HNF4A: variants seen among roughly 807,000 people sequenced by gnomAD.
HNF4A encodes the protein hepatocyte nuclear factor 4 alpha, also known as hepatocyte nuclear factor 4-alpha.
In HNF4A, 15 loss-of-function variants were observed where a neutral mutation model predicts 52.4. The observed-to-expected ratio is 0.29, with a 90% CI of 0.19 to 0.44. HNF4A has a LOEUF of 0.44. Ranked by LOEUF, HNF4A falls within the 20% of genes least tolerant of loss-of-function variation. The pLI, the probability that HNF4A is intolerant of heterozygous loss-of-function variation, is 1.00. For missense variants in HNF4A, 479 were observed against 647.2 expected (o/e 0.74, Z 2.82); for synonymous variants, 280 against 264.4 (o/e 1.06, Z -0.57).
chr20:44,424,427 T>C, intron 8 of HNF4A, 173 bp downstream of exon 8: 1 of 1,187,460 alleles, frequency 8.4e-7, no homozygotes. Flanking sequence ...AACAAGGCAA[T>C]GGTCTATTTG....
chr20:44,379,967 C>CCA (rs2146245291), intron 1 of HNF4A, among the ~76,000 whole-genome samples: 1 of 152,160 alleles, frequency 6.6e-6, no homozygotes, highest in South Asian at 2.1e-4. Flanking sequence ...CTCCTGACCT[C>CCA]GTGATCCGCC....
intron 1 of HNF4A, chr20:44,390,486 C>T: frequency 1.6e-6 from 1 of 610,332 alleles, no homozygotes. Context: ...GACCGCCTCC[C>T]ACCATCCCTG....
chr20:44,407,379 A>G lies in HNF4A; in HGVS notation c.291-2A>G, dbSNP rs1479947619. The G allele has an allele frequency of 6.2e-7, 1 of 1,608,292 alleles. No homozygotes were observed. ...CATCCAACCATCCAAAGCCCTCCCC[A>G]GATTTAGCCGGCAGTGCGTGGTGGA... On this transcript the variant is annotated splice_acceptor_variant, in intron 2 of 9. Coordinates refer to ENST00000316099, the MANE Select transcript of HNF4A (RefSeq NM_000457.6). LOFTEE classifies it high-confidence loss of function.
chr20:44,380,696 T>C (rs1164431564), intron 1 of HNF4A, among the ~76,000 whole-genome samples: 1 of 152,180 alleles, frequency 6.6e-6, no homozygotes, highest in East Asian at 1.9e-4. Flanking sequence ...TTGGCAAATA[T>C]TTTCTCCCAT....
chr20:44,411,465 C>G (rs1354857975), intron 3 of HNF4A, among the ~76,000 whole-genome samples: 1 of 151,716 alleles, frequency 6.6e-6, no homozygotes, highest in Non-Finnish European at 1.5e-5. Context: ...TCATTCCGCC[C>G]GCCGGCCACT....
At chr20:44,389,609 T>A (rs1056369348) in intron 1 of HNF4A, 3 of 152,262 alleles carry the variant, frequency 2.0e-5, no homozygotes, top group Non-Finnish European at 2.9e-5. Context: ...TGAATAAATG[T>A]TGACTGTTTC....
intron 1 of HNF4A, among the ~76,000 whole-genome samples, chr20:44,375,667 G>C (rs1244672158): frequency 6.6e-6 from 1 of 152,110 alleles, no homozygotes; most frequent in East Asian, 1.9e-4. Context: ...GAGGTTGTTA[G>C]GGCAGCCTTT....
Position 44,414,672 on chromosome 20 carries a change from G to C in HNF4A, c.648+10G>C. ...CCCCCTGGACGACCAGGTGAGGATG[G>C]GCGTGGATGGTGGGCAGTAGTGGGC... On this transcript the variant is annotated intron_variant, in intron 5 of 9. Transcript: ENST00000316099. 1 of 1,593,432 alleles carries C rather than the reference G, an allele frequency of 6.3e-7. No individual in the cohort carries two copies.
At chr20:44,392,312 G>A (rs1468078860) in intron 1 of HNF4A, among the ~76,000 whole-genome samples, 1 of 152,124 alleles carries the variant, frequency 6.6e-6, no homozygotes, top group East Asian at 1.9e-4. Context: ...GCCTCGCTGA[G>A]GTTTTGACTA....
chr20:44,379,778 G>C (rs1420312861), intron 1 of HNF4A, among the ~76,000 whole-genome samples: 1 of 139,134 alleles, frequency 7.2e-6, no homozygotes, highest in Non-Finnish European at 1.5e-5. Context: ...GTGTGGCACA[G>C]ACTGGGGTGC....
chr20:44,390,644 C>A, intron 1 of HNF4A: 1 of 702,502 alleles, frequency 1.4e-6, no homozygotes, highest in Non-Finnish European at 2.6e-6. Context: ...AGGAGGATGT[C>A]GGACTGGGGC....
At chr20:44,387,661 G>C (rs1252498010) in intron 1 of HNF4A, among the ~76,000 whole-genome samples, 5 of 95,496 alleles carry the variant, frequency 5.2e-5, no homozygotes, top group Admixed American at 2.0e-4. Context: ...CAGGCGGGGG[G>C]GGGGGGAGGC....
intron 1 of HNF4A, among the ~76,000 whole-genome samples, chr20:44,388,381 A>ACCCC (rs1227407354): frequency 1.3e-5 from 1 of 76,226 alleles, no homozygotes; most frequent in Non-Finnish European, 2.3e-5. Flanking sequence ...GACCCCCCCC[A>ACCCC]CCCCCGTACA....
intron 1 of HNF4A, among the ~76,000 whole-genome samples, chr20:44,381,522 G>C (rs1404332062): frequency 6.6e-6 from 1 of 152,040 alleles, no homozygotes; most frequent in Non-Finnish European, 1.5e-5. Flanking sequence ...GGCTTCAACT[G>C]ATCTGCCTGC....
At chr20:44,372,531 G>A (rs1235183468) in intron 1 of HNF4A, among the ~76,000 whole-genome samples, 1 of 152,162 alleles carries the variant, frequency 6.6e-6, no homozygotes, top group African/African-American at 2.4e-5. Flanking sequence ...CAGCCATTGT[G>A]TTTTCTTTAT....
In HNF4A at chr20:44,430,610, TGTGGGAGAGGGA is replaced by T. The variant is rs1401183808; in HGVS notation, c.*946_*957del. Reference sequence around the variant, plus strand: ...TCTAGCAAGAATTGAGGAAGAATGGTGTGGGAGAGGGATGATGAAGAGAGAGAGGGCCTGCTG... The same window carrying T: ...TCTAGCAAGAATTGAGGAAGAATGGTTGATGAAGAGAGAGAGGGCCTGCTG... On this transcript the variant is annotated 3_prime_UTR_variant, in exon 10 of 10. Coordinates refer to ENST00000316099, the MANE Select transcript of HNF4A (RefSeq NM_000457.6). 1 of 103,836 alleles carries T rather than the reference TGTGGGAGAGGGA, an allele frequency of 9.6e-6. No individual in the cohort carries two copies. Among genetic ancestry groups the T allele is most frequent in the Non-Finnish European group, 2.1e-5 (1 of 47,454 alleles). 6.4% of individuals were successfully genotyped at this position (103,836 alleles called of 1,614,324 possible).
At chr20:44,404,976 G>A (rs2063474857) in intron 1 of HNF4A, among the ~76,000 whole-genome samples, 1 of 16,294 alleles carries the variant, frequency 6.1e-5, no homozygotes, top group Admixed American at 6.3e-4. Context: ...GGACTGTGGT[G>A]TGTAAGGTGT....
At chr20:44,424,729 G>T in intron 8 of HNF4A, 2 of 550,754 alleles carry the variant, frequency 3.6e-6, no homozygotes, top group South Asian at 5.1e-5. Flanking sequence ...AGACCCTAAC[G>T]GCTGAAAGGA....
intron 1 of HNF4A, among the ~76,000 whole-genome samples, chr20:44,385,820 T>C (rs2146273873): frequency 6.6e-6 from 1 of 152,154 alleles, no homozygotes; most frequent in South Asian, 2.1e-4. Context: ...GGCCCACTGT[T>C]GGTCCTGGCA....
Sources: gnomAD v4.1 joint callset for allele counts (sites outside exome capture counted in the v4.1 genomes callset) on GRCh38, gnomAD v4.1.1 for gene constraint, MANE v1.5 for transcripts, NCBI Gene and HGNC (gene_info 2026-07-23, HGNC 2026-07-21) for gene names.